The following PLEKHA1 variants were observed in gnomAD, a reference collection of about 807,000 sequenced individuals.
PLEKHA1 encodes the protein pleckstrin homology domain containing A1, also known as pleckstrin homology domain-containing family A member 1.
A neutral mutation model predicts 52.0 loss-of-function variants in PLEKHA1; 34 were observed. That is an observed-to-expected ratio of 0.65 (90% CI 0.50 to 0.87). The LOEUF (loss-of-function observed/expected upper bound fraction) is 0.87. Among genes scored for constraint, PLEKHA1 ranks in the 40% least tolerant of loss-of-function variants. The pLI is 0.00. For synonymous variants in PLEKHA1, 163 were observed against 170.7 expected (o/e 0.95, Z 0.35); for missense variants, 497 against 504.2 (o/e 0.99, Z 0.14).
intron 4 of PLEKHA1, among the ~76,000 whole-genome samples, chr10:122,404,978 A>G (rs916260452): frequency 1.3e-5 from 2 of 152,186 alleles, no homozygotes; most frequent in Non-Finnish European, 2.9e-5. Context: ...TTATATTTGA[A>G]CAATTGCAAC....
chr10:122,414,983 A>C (rs1302411184), intron 6 of PLEKHA1, among the ~76,000 whole-genome samples: 1 of 152,100 alleles, frequency 6.6e-6, no homozygotes. Flanking sequence ...AGGGAAAATT[A>C]CATTCACATA....
intron 9 of PLEKHA1, among the ~76,000 whole-genome samples, chr10:122,424,630 A>C (rs781485351): frequency 2.0e-5 from 3 of 152,220 alleles, no homozygotes; most frequent in Non-Finnish European, 4.4e-5. Flanking sequence ...TTCACAAGAA[A>C]ATGTGTTAGC....
intron 10 of PLEKHA1, chr10:122,425,622 G>A (rs2097327442): frequency 6.6e-6 from 1 of 150,514 alleles, no homozygotes; most frequent in Non-Finnish European, 1.5e-5. Flanking sequence ...TTGGGAGGCT[G>A]AGGCACGAGA....
intron 5 of PLEKHA1, among the ~76,000 whole-genome samples, chr10:122,410,402 C>A (rs1172853122): frequency 6.6e-6 from 1 of 152,166 alleles, no homozygotes; most frequent in Non-Finnish European, 1.5e-5. Flanking sequence ...CATGTGCCAA[C>A]TGCCCAGTGA....
At chr10:122,378,853 T>C (rs756749086) in intron 1 of PLEKHA1, among the ~76,000 whole-genome samples, 4 of 149,236 alleles carry the variant, frequency 2.7e-5, no homozygotes, top group Non-Finnish European at 6.1e-5. Flanking sequence ...CCTTACCCTG[T>C]GGTCAGGCCA....
At chr10:122,375,223 G>GC (rs2096511075) in intron 1 of PLEKHA1, among the ~76,000 whole-genome samples, 1 of 152,042 alleles carries the variant, frequency 6.6e-6, no homozygotes, top group South Asian at 2.1e-4. Context: ...GGCGCGGTGC[G>GC]CGCAGCTGCC....
chr10:122,406,664 A>G lies in PLEKHA1; in HGVS notation c.333A>G (p.Ile111Met). The change falls in exon 5 of 12, where the codon ATA becomes ATG. Residue 111 changes from isoleucine to methionine, a missense_variant. Coordinates refer to ENST00000368990, the MANE Select transcript of PLEKHA1 (RefSeq NM_001001974.4). Reference protein sequence around the residue: ...VEWVNVLNKAIKITVPKQSDS... With the variant: ...VEWVNVLNKAMKITVPKQSDS... Reference sequence around the variant, plus strand: ...GGGTAAATGTGTTAAACAAAGCTATAAAAATTACAGTAAGTATATGTATTT... The same window carrying G: ...GGGTAAATGTGTTAAACAAAGCTATGAAAATTACAGTAAGTATATGTATTT... 6.9e-6 allele frequency: 11 copies of G among 1,603,184 alleles called. No homozygotes were observed. The highest frequency in any genetic ancestry group is 9.4e-6 in the Non-Finnish European group (11 of 1,170,630).
chr10:122,417,276 T>C (rs2133232126), intron 7 of PLEKHA1, among the ~76,000 whole-genome samples: 1 of 151,946 alleles, frequency 6.6e-6, no homozygotes, highest in African/African-American at 2.4e-5. Flanking sequence ...CTGTGTTTGC[T>C]CTTTACATGG....
chr10:122,418,702 T>G (rs1033934766), intron 8 of PLEKHA1: 3 of 152,198 alleles, frequency 2.0e-5, no homozygotes, highest in Admixed American at 2.0e-4. Flanking sequence ...CCTCTTCGCC[T>G]TGTTTGAGTT....
Position 122,412,944 on chromosome 10 carries a change from C to T in PLEKHA1, c.367C>T (p.Pro123Ser). ...GGTACCAAAGCAGTCAGACTCACAGCCTAATTCTGATAACCTAAGTCGCCA... is the reference window on the plus strand; with the variant it reads ...GGTACCAAAGCAGTCAGACTCACAGTCTAATTCTGATAACCTAAGTCGCCA... Reference protein sequence around the residue: ...ITVPKQSDSQPNSDNLSRHGE... With the variant: ...ITVPKQSDSQSNSDNLSRHGE... Residue 123 changes from proline (P) to serine (S), a missense_variant, in exon 6 of 12, where the codon CCT becomes TCT. Coordinates refer to ENST00000368990, the MANE Select transcript of PLEKHA1 (RefSeq NM_001001974.4). 1.2e-6 allele frequency: 2 copies of T among 1,613,276 alleles called. No individual in the cohort carries two copies. The highest frequency in any genetic ancestry group is 2.7e-5 in the African/African-American group (2 of 74,960).
intron 1 of PLEKHA1, among the ~76,000 whole-genome samples, chr10:122,383,441 TC>T (rs1307144945): frequency 6.6e-6 from 1 of 151,266 alleles, no homozygotes; most frequent in Non-Finnish European, 1.5e-5. Context: ...CACCTCAGCT[TC>T]CCAAGTAGCT....
intron 1 of PLEKHA1, among the ~76,000 whole-genome samples, chr10:122,380,483 A>G (rs145936349): frequency 1.2e-4 from 18 of 152,370 alleles, no homozygotes; most frequent in African/African-American, 4.3e-4. Flanking sequence ...GATAAGATCT[A>G]AAAGGCAGTG....
At chr10:122,403,444 A>G (rs182835822) in intron 4 of PLEKHA1, among the ~76,000 whole-genome samples, 4 of 152,162 alleles carry the variant, frequency 2.6e-5, no homozygotes, top group African/African-American at 7.2e-5. Context: ...TTATGCTTCA[A>G]GTTTTATCCA....
chr10:122,436,854 G>A (rs1366074302), downstream of PLEKHA1: 1 of 151,984 alleles, frequency 6.6e-6, no homozygotes, highest in Non-Finnish European at 1.5e-5. Flanking sequence ...GATGGAGAAA[G>A]TTTACATTGT....
intron 10 of PLEKHA1, chr10:122,425,381 T>G (rs2097323986): frequency 6.5e-6 from 1 of 153,102 alleles, no homozygotes; most frequent in Non-Finnish European, 1.5e-5. Context: ...GTTTAAATTG[T>G]ACTTTTTGCA....
At chr10:122,404,086 A>G (rs911008544) in intron 4 of PLEKHA1, among the ~76,000 whole-genome samples, 1 of 152,204 alleles carries the variant, frequency 6.6e-6, no homozygotes, top group African/African-American at 2.4e-5. Context: ...GTTTCTTTAC[A>G]TATATGATCG....
intron 1 of PLEKHA1, chr10:122,392,417 G>A (rs2096788830): frequency 6.6e-6 from 1 of 151,876 alleles, no homozygotes; most frequent in African/African-American, 2.4e-5. Context: ...ATTTTTTCTT[G>A]TTGCTTTATG....
chr10:122,398,017 C>T, intron 3 of PLEKHA1, 43 bp downstream of exon 3: 1 of 1,485,670 alleles, frequency 6.7e-7, no homozygotes. Context: ...AATTAAAATC[C>T]CTGTGAATGA....
intron 1 of PLEKHA1, among the ~76,000 whole-genome samples, chr10:122,388,280 C>T (rs1381662072): frequency 1.3e-5 from 2 of 152,090 alleles, no homozygotes; most frequent in African/African-American, 4.8e-5. Flanking sequence ...TTGTTGGTGG[C>T]TTTTTTCATT....
Sources: gnomAD v4.1 joint callset for allele counts (sites outside exome capture counted in the v4.1 genomes callset) on GRCh38, gnomAD v4.1.1 for gene constraint, MANE v1.5 for transcripts, NCBI Gene and HGNC (gene_info 2026-07-23, HGNC 2026-07-21) for gene names.